NUSAP1: variants seen among roughly 807,000 people sequenced by gnomAD.
NUSAP1 encodes the protein nucleolar and spindle-associated protein 1.
NUSAP1 carries 32 observed loss-of-function variants against 52.8 expected under a neutral mutation model. The observed-to-expected ratio is 0.61, with a 90% CI of 0.46 to 0.81. The LOEUF (loss-of-function observed/expected upper bound fraction) is 0.81. Among genes scored for constraint, NUSAP1 ranks in the 40% least tolerant of loss-of-function variants. The pLI is 0.00. For missense variants in NUSAP1, 499 were observed against 522.3 expected, an observed-to-expected ratio of 0.96 and a Z score of 0.43; for synonymous variants, 195 against 183.1, an observed-to-expected ratio of 1.06 and a Z score of -0.52.
intron 7 of NUSAP1, 87 bp downstream of exon 7, chr15:41,365,676 C>T (rs1478270263): frequency 3.2e-6 from 3 of 924,382 alleles, no homozygotes; most frequent in African/African-American, 1.7e-5. Context: ...AAATAATATT[C>T]GTACATACTC....
At chr15:41,369,672 G>T (rs1158891797) in intron 7 of NUSAP1, among the ~76,000 whole-genome samples, 1 of 151,990 alleles carries the variant, frequency 6.6e-6, no homozygotes, top group African/African-American at 2.4e-5. Context: ...ACCATGGTCA[G>T]AGGTTTGGCC....
chr15:41,379,185 C>T (rs1242727877), intron 10 of NUSAP1, among the ~76,000 whole-genome samples: 1 of 151,918 alleles, frequency 6.6e-6, no homozygotes, highest in South Asian at 2.1e-4. Flanking sequence ...AACTGCTGAT[C>T]TCAGGTGATC....
chr15:41,371,932 G>A (rs990366704), intron 8 of NUSAP1, among the ~76,000 whole-genome samples: 4 of 151,838 alleles, frequency 2.6e-5, no homozygotes, highest in Non-Finnish European at 4.4e-5. Flanking sequence ...CACCATGCCC[G>A]GCTAATTTTG....
At chr15:41,348,670 G>A (rs574937706) in intron 2 of NUSAP1, among the ~76,000 whole-genome samples, 61 of 152,090 alleles carry the variant, frequency 4.0e-4, no homozygotes, top group Middle Eastern at 3.4e-3. Flanking sequence ...ACGGAGTTTC[G>A]TTCTTGTTGC....
chr15:41,356,232 C>G, intron 5 of NUSAP1, 92 bp downstream of exon 5: 1 of 755,410 alleles, frequency 1.3e-6, no homozygotes, highest in Non-Finnish European at 2.3e-6. Context: ...GAGGCTGGAA[C>G]CAGTTTACAT....
At chr15:41,357,282 C>A (rs1364341331) in intron 5 of NUSAP1, among the ~76,000 whole-genome samples, 1 of 151,730 alleles carries the variant, frequency 6.6e-6, no homozygotes, top group Non-Finnish European at 1.5e-5. Flanking sequence ...GCAGGAAAAT[C>A]GCTTGAACCT....
intron 7 of NUSAP1, among the ~76,000 whole-genome samples, chr15:41,366,573 C>T (rs374242254): frequency 3.3e-5 from 5 of 152,314 alleles, no homozygotes; most frequent in East Asian, 3.9e-4. Context: ...TGAGCCACCG[C>T]GCCTGGCCGC....
intron 10 of NUSAP1, among the ~76,000 whole-genome samples, chr15:41,379,320 G>T (rs568211132): frequency 6.6e-6 from 1 of 150,778 alleles, no homozygotes; most frequent in East Asian, 1.9e-4. Flanking sequence ...TTAGAGACAG[G>T]GTCTTACTTT....
chr15:41,344,616 C>T (rs754369364), intron 2 of NUSAP1, among the ~76,000 whole-genome samples: 26 of 150,866 alleles, frequency 1.7e-4, no homozygotes, highest in Admixed American at 4.6e-4. Flanking sequence ...CCAGCCTGGG[C>T]GACAAAGCGA....
intron 6 of NUSAP1, among the ~76,000 whole-genome samples, chr15:41,361,956 A>G (rs1401951455): frequency 1.3e-5 from 2 of 152,164 alleles, no homozygotes; most frequent in African/African-American, 2.4e-5. Context: ...ATAAGCAGAT[A>G]TCCTAAAGAG....
rs2050156729 is a variant in NUSAP1, at chr15:41,380,242, A to AT, written c.*56_*57insT. On this transcript the variant is annotated 3_prime_UTR_variant, in exon 11 of 11. Transcript: ENST00000559596. ...TATTCTCAACTTTTTTCCTTTTGTAAATTTTTTTTTTTTGCTGTCATCCCC... is the reference window on the plus strand; with the variant it reads ...TATTCTCAACTTTTTTCCTTTTGTAATATTTTTTTTTTTTGCTGTCATCCCC... 2.2e-5 allele frequency: 30 copies of AT among 1,336,496 alleles called. No individual in the cohort carries two copies. The Admixed American group carries it at 3.0e-4, about 13-fold the overall frequency. The allele number at this position is 1,336,496 out of a possible 1,614,324, so 82.8% of individuals were successfully genotyped here.
chr15:41,336,178 T>C (rs906081791), intron 1 of NUSAP1, among the ~76,000 whole-genome samples: 3 of 151,256 alleles, frequency 2.0e-5, no homozygotes, highest in Non-Finnish European at 2.9e-5. Flanking sequence ...GAGAGGAGAA[T>C]TGCTTGAACC....
intron 7 of NUSAP1, among the ~76,000 whole-genome samples, chr15:41,366,854 C>G (rs1304390291): frequency 2.0e-5 from 3 of 152,162 alleles, no homozygotes; most frequent in Non-Finnish European, 4.4e-5. Flanking sequence ...GTCACCTCTT[C>G]CAATTTTATA....
At chr15:41,342,488 AG>A in intron 2 of NUSAP1, 34 bp downstream of exon 2, 2 of 1,438,948 alleles carry the variant, frequency 1.4e-6, no homozygotes, top group Non-Finnish European at 1.9e-6. Context: ...CCTGTTAGCT[AG>A]CAAAATAATC....
chr15:41,380,008 T>C lies in NUSAP1; in HGVS notation c.1233-85T>C, dbSNP rs1566814852. On this transcript the variant is annotated intron_variant, in intron 10 of 10. Coordinates refer to ENST00000559596, the MANE Select transcript of NUSAP1 (RefSeq NM_016359.5). ...TATGCTGGATGTCATTGCTTGGAAGTTTGGGTGTTAGTCCAACAATAGTTG... is the reference window on the plus strand; with the variant it reads ...TATGCTGGATGTCATTGCTTGGAAGCTTGGGTGTTAGTCCAACAATAGTTG... 4 of 915,222 alleles carry C rather than the reference T, an allele frequency of 4.4e-6. No individual in the cohort carries two copies. The East Asian group carries it at 1.1e-4, about 24-fold the overall frequency. 56.7% of individuals were successfully genotyped at this position (915,222 alleles called of 1,614,324 possible). A position where few individuals can be genotyped will look rare whatever the true frequency, so the allele number is the denominator to read the frequency against.
Position 41,375,686 on chromosome 15 carries a change from C to G in NUSAP1, c.1007-26C>G, listed in dbSNP as rs780474133. The G allele has an allele frequency of 4.3e-6, 6 of 1,402,616 alleles. No homozygotes were observed. The Admixed American group carries it at 8.4e-5, about 20-fold the overall frequency. 86.9% of individuals were successfully genotyped at this position (1,402,616 alleles called of 1,614,324 possible). A position where few individuals can be genotyped will look rare whatever the true frequency, so the allele number is the denominator to read the frequency against. ...CCAGGTCTTTGTTTCTAATTAAGCT[C>G]TTGGGTTTTTTCGGTGTGTTTTTAG... is the stretch of plus-strand genomic sequence containing the variant. On this transcript the variant is annotated intron_variant, in intron 8 of 10. Transcript: ENST00000559596.
intron 5 of NUSAP1, among the ~76,000 whole-genome samples, chr15:41,356,856 C>A (rs1367940595): frequency 6.6e-6 from 1 of 152,084 alleles, no homozygotes; most frequent in East Asian, 1.9e-4. Context: ...TGTAAGTCTT[C>A]TCTATCTTAT....
At chr15:41,355,795 A>G (rs963783552) in intron 4 of NUSAP1, among the ~76,000 whole-genome samples, 3 of 150,270 alleles carry the variant, frequency 2.0e-5, no homozygotes, top group Non-Finnish European at 4.4e-5. Context: ...TCCTGCCTCA[A>G]CCTCCCGAGT....
intron 7 of NUSAP1, among the ~76,000 whole-genome samples, chr15:41,369,827 G>A (rs2049589407): frequency 6.6e-6 from 1 of 151,976 alleles, no homozygotes; most frequent in Admixed American, 6.6e-5. Flanking sequence ...TAGCACTTTG[G>A]GAGGCCGAGG....
Sources: gnomAD v4.1 joint callset for allele counts (sites outside exome capture counted in the v4.1 genomes callset) on GRCh38, gnomAD v4.1.1 for gene constraint, MANE v1.5 for transcripts, NCBI Gene and HGNC (gene_info 2026-07-23, HGNC 2026-07-21) for gene names.